Variants in ECE1 observed in about 807,000 individuals in gnomAD.
The protein encoded by ECE1 is endothelin converting enzyme 1, also known as endothelin-converting enzyme 1.
Under a neutral mutation model 98.6 loss-of-function variants are expected in ECE1, and 35 were observed. That is an observed-to-expected ratio of 0.35 (90% CI 0.27 to 0.47). ECE1 has a LOEUF of 0.47. ECE1 is among the 20% of genes least tolerant of loss of function. The pLI, the probability that ECE1 is intolerant of heterozygous loss-of-function variation, is 1.00. For synonymous variants in ECE1, 394 were observed against 407.1 expected, an observed-to-expected ratio of 0.97 and a Z score of 0.39; for missense variants, 814 against 1,025.3, an observed-to-expected ratio of 0.79 and a Z score of 2.81.
intron 17 of ECE1, among the ~76,000 whole-genome samples, chr1:21,223,850 G>C (rs140309649): frequency 6.6e-6 from 1 of 152,108 alleles, no homozygotes; most frequent in Non-Finnish European, 1.5e-5. Flanking sequence ...CGCCCACCTC[G>C]GCCTCCCAAA....
intron 3 of ECE1, among the ~76,000 whole-genome samples, chr1:21,273,469 A>G (rs949736315): frequency 6.6e-6 from 1 of 152,108 alleles, no homozygotes; most frequent in Non-Finnish European, 1.5e-5. Context: ...ATAAATCAAA[A>G]TGGAACAGTA....
At chr1:21,229,263 A>G (rs2098178773) in intron 14 of ECE1, among the ~76,000 whole-genome samples, 1 of 151,506 alleles carries the variant, frequency 6.6e-6, no homozygotes, top group South Asian at 2.1e-4. Context: ...GGCTCCCTAC[A>G]GCCTCAAACT....
At chr1:21,228,878 T>C (rs1298486118) in intron 14 of ECE1, among the ~76,000 whole-genome samples, 1 of 144,508 alleles carries the variant, frequency 6.9e-6, no homozygotes, top group East Asian at 2.1e-4. Flanking sequence ...GCTCACTCTG[T>C]CACCCAGGCT....
upstream of ECE1, among the ~76,000 whole-genome samples, chr1:21,290,777 T>TC (rs991185188): frequency 7.2e-5 from 11 of 151,960 alleles, no homozygotes; most frequent in African/African-American, 2.2e-4. The surrounding 1 kb of genome is among the most constrained non-coding windows in gnomAD (Gnocchi z 7.3). Flanking sequence ...CAAGACAGGT[T>TC]CCCCCCGGCA....
chr1:21,245,917 CTT>C (rs2098202817), intron 9 of ECE1, among the ~76,000 whole-genome samples: 2 of 152,092 alleles, frequency 1.3e-5, no homozygotes, highest in Admixed American at 1.3e-4. Flanking sequence ...CTCCCCCATG[CTT>C]TCTCTCTACA....
At position 21,325,170 on chromosome 1, in the gene ECE1, C is replaced by T. The variant is rs563569159; in HGVS notation, c.3+20206G>A. Among the ~76,000 whole-genome samples, 5 of 152,258 alleles carry T rather than the reference C, an allele frequency of 3.3e-5. No individual in the cohort carries two copies. The South Asian group carries it at 1.0e-3, about 32-fold the overall frequency. On this transcript the variant is annotated intron_variant, in intron 1 of 18. Transcript: ENST00000415912. ...GCTGACACTAAACACAGAGACGGGG[C>T]CCTTGTGACTAGATGAACCATAAAC...
At position 21,228,027 on chromosome 1, in the gene ECE1, G is replaced by A. The variant is rs1261875526; in HGVS notation, c.1685C>T (p.Pro562Leu). 5.8e-6 allele frequency: 9 copies of A among 1,562,212 alleles called. No individual in the cohort carries two copies. Residue 562 changes from proline (P) to leucine (L), a missense_variant, in exon 15 of 19, where the codon CCG (proline) becomes CTG (leucine). Physicochemically the swap from Pro to Leu is moderately conservative, Grantham distance 98. Around this residue, in one of 3 missense-constraint regions of ECE1, gnomAD observed 452 missense variants for 567.3 expected, o/e 0.80. Transcript: ENST00000374893. Reference sequence around the variant, plus strand: ...CGAGTAGTAGGCGTTCACCATGGGCGGGGTCATGCTCCACCTGCAAGCAAC... The same window carrying A: ...CGAGTAGTAGGCGTTCACCATGGGCAGGGTCATGCTCCACCTGCAAGCAAC... Reference protein sequence around the residue: ...APNRDQWSMTPPMVNAYYSPT... With the variant: ...APNRDQWSMTLPMVNAYYSPT...
chr1:21,280,265 G>C (rs2098252858), intron 2 of ECE1, among the ~76,000 whole-genome samples: 2 of 152,230 alleles, frequency 1.3e-5, no homozygotes, highest in Admixed American at 6.5e-5. Context: ...TCTCCTGAAG[G>C]TGGGGTAACG....
chr1:21,283,714 G>A (rs1022028687), intron 2 of ECE1, among the ~76,000 whole-genome samples: 4 of 152,184 alleles, frequency 2.6e-5, no homozygotes, highest in African/African-American at 9.7e-5. Context: ...ACCTACCACA[G>A]GAAGTGGAGC....
At position 21,220,178 on chromosome 1, in the gene ECE1, G is replaced by T; in HGVS notation, c.2137-47C>A. 5.1e-6 allele frequency: 8 copies of T among 1,572,596 alleles called. No individual in the cohort carries two copies. The highest frequency in any genetic ancestry group is 6.9e-6 in the Non-Finnish European group (8 of 1,156,326). On this transcript the variant is annotated intron_variant, in intron 18 of 18. Transcript: ENST00000374893. The surrounding 1 kb of genome is among the most constrained non-coding windows in gnomAD (Gnocchi z 5.0). Reference sequence around the variant, plus strand: ...AGGCCAGGGTCACTGTGGGGCCCTCGGGCTGCCAGACTGCCCCCATTATAA... The same window carrying T: ...AGGCCAGGGTCACTGTGGGGCCCTCTGGCTGCCAGACTGCCCCCATTATAA...
At position 21,322,606 on chromosome 1, in the gene ECE1, G is replaced by A. The variant is rs1431485903; in HGVS notation, c.3+22770C>T. Reference sequence around the variant, plus strand: ...GTGCCACTGCTGGCATAGGGGATGGGGACACCAGTGTGGTGGCACTGTTTG... The same window carrying A: ...GTGCCACTGCTGGCATAGGGGATGGAGACACCAGTGTGGTGGCACTGTTTG... On this transcript the variant is annotated intron_variant, in intron 1 of 18. Transcript: ENST00000415912. This position sits in a 1 kb window ranked among gnomAD's most constrained non-coding sequence, Gnocchi z 4.1. Among the ~76,000 whole-genome samples, 1 of 152,232 alleles carries A rather than the reference G, an allele frequency of 6.6e-6. No individual in the cohort carries two copies.
intron 3 of ECE1, among the ~76,000 whole-genome samples, chr1:21,275,533 T>C (rs1489207776): frequency 2.6e-5 from 4 of 152,180 alleles, no homozygotes; most frequent in African/African-American, 9.6e-5. Flanking sequence ...AGGCGGAGAT[T>C]GCAGTGAGCC....
intron 17 of ECE1, among the ~76,000 whole-genome samples, chr1:21,222,944 C>T (rs573727299): frequency 3.3e-5 from 5 of 151,184 alleles, no homozygotes; most frequent in African/African-American, 7.3e-5. Context: ...CAGCTAGATT[C>T]GGCCCATGGG....
intron 4 of ECE1, among the ~76,000 whole-genome samples, chr1:21,265,409 G>C (rs551060917): frequency 6.6e-6 from 1 of 152,174 alleles, no homozygotes; most frequent in Non-Finnish European, 1.5e-5. Flanking sequence ...GCGGGTGCTT[G>C]TAGTCCCAGC....
intron 3 of ECE1, among the ~76,000 whole-genome samples, chr1:21,276,026 C>CTTTT (rs532213567): frequency 9.1e-4 from 83 of 91,254 alleles, no homozygotes; most frequent in African/African-American, 2.2e-3. Flanking sequence ...TTAATACGTG[C>CTTTT]TTTTTTTTTT....
At chr1:21,242,255 T>C (rs1404353107) in intron 10 of ECE1, among the ~76,000 whole-genome samples, 1 of 152,150 alleles carries the variant, frequency 6.6e-6, no homozygotes, top group African/African-American at 2.4e-5. Flanking sequence ...CAATTCAAAC[T>C]TGGATCTTCT....
At chr1:21,297,869 G>A (rs545110772) in intron 1 of ECE1, among the ~76,000 whole-genome samples, 14 of 147,582 alleles carry the variant, frequency 9.5e-5, no homozygotes, top group South Asian at 6.5e-4. Flanking sequence ...ACTAGGTCTC[G>A]CTCTGTCACC....
In ECE1 at chr1:21,279,275, C is replaced by T; in HGVS notation, c.196G>A (p.Glu66Lys). 1 of 1,614,240 alleles carries T rather than the reference C, an allele frequency of 6.2e-7. No individual in the cohort carries two copies. The highest frequency in any genetic ancestry group is 8.5e-7 in the Non-Finnish European group (1 of 1,180,052). ...QRCWAARTQVEKRLVVLVVLL... is the reference protein window; with the variant it reads ...QRCWAARTQVKKRLVVLVVLL... ...ACCACCAACACCACCAGCCGCTTCTCCACCTGGGTCCGTGCAGCCCAGCAC... is the reference window on the plus strand; with the variant it reads ...ACCACCAACACCACCAGCCGCTTCTTCACCTGGGTCCGTGCAGCCCAGCAC... The change falls in exon 3 of 19, where the codon GAG becomes AAG. Residue 66 changes from glutamate (E) to lysine (K), a missense_variant. Physicochemically the swap from Glu to Lys is moderately conservative, Grantham distance 56. Around this residue, in one of 3 missense-constraint regions of ECE1, gnomAD observed 257 missense variants for 278.9 expected, o/e 0.92. Transcript: ENST00000374893.
At chr1:21,238,593 T>C (rs1044205207) in intron 10 of ECE1, among the ~76,000 whole-genome samples, 7 of 152,114 alleles carry the variant, frequency 4.6e-5, no homozygotes, top group African/African-American at 1.7e-4. Flanking sequence ...ACAAGTGTTG[T>C]TGGAATGAGA....
Sources: gnomAD v4.1 joint callset for allele counts (sites outside exome capture counted in the v4.1 genomes callset) on GRCh38, gnomAD v4.1.1 for gene constraint, gnomAD v4.1.1 regional missense constraint, Gnocchi (gnomAD v3.1) non-coding constraint, MANE v1.5 for transcripts, NCBI Gene and HGNC (gene_info 2026-07-23, HGNC 2026-07-21) for gene names.